KCND2: variants seen among roughly 807,000 people sequenced by gnomAD.
KCND2 encodes the protein potassium voltage-gated channel subfamily D member 2, also known as A-type voltage-gated potassium channel KCND2.
A neutral mutation model predicts 54.4 loss-of-function variants in KCND2; 16 were observed. The ratio of observed to expected loss-of-function variants is 0.29; its 90% CI spans 0.20 to 0.45. The LOEUF (loss-of-function observed/expected upper bound fraction) is 0.45. KCND2 is among the 20% of genes least tolerant of loss of function. The pLI is 1.00. For synonymous variants in KCND2, 317 were observed against 310.7 expected (o/e 1.02, Z -0.21); for missense variants, 486 against 824.2 (o/e 0.59, Z 5.02).
intron 1 of KCND2, among the ~76,000 whole-genome samples, chr7:120,338,814 A>G (rs966260100): frequency 2.0e-5 from 3 of 152,094 alleles, no homozygotes; most frequent in African/African-American, 4.8e-5. Flanking sequence ...TTTTCTACAG[A>G]GAGTTGGGTG....
chr7:120,490,048 A>T (rs1802755631), intron 1 of KCND2, among the ~76,000 whole-genome samples: 1 of 152,150 alleles, frequency 6.6e-6, no homozygotes, highest in Admixed American at 6.6e-5. Context: ...GCTTTCTCAG[A>T]GTGGCCTGGA....
chr7:120,304,807 C>T (rs2116302082), intron 1 of KCND2, among the ~76,000 whole-genome samples: 1 of 152,052 alleles, frequency 6.6e-6, no homozygotes, highest in Admixed American at 6.6e-5. Flanking sequence ...TTAGAGAAGT[C>T]GCCTAATTTG....
chr7:120,561,908 G>A (rs1007472085), intron 1 of KCND2, among the ~76,000 whole-genome samples: 2 of 152,016 alleles, frequency 1.3e-5, no homozygotes, highest in African/African-American at 4.8e-5. Flanking sequence ...CACTGCACCC[G>A]GCCGCTATCT....
At chr7:120,639,470 G>A (rs1451193750) in intron 1 of KCND2, among the ~76,000 whole-genome samples, 4 of 152,128 alleles carry the variant, frequency 2.6e-5, no homozygotes, top group Non-Finnish European at 5.9e-5. Flanking sequence ...GGTACTCCCA[G>A]TTCTAGCAGA....
At chr7:120,294,218 T>C (rs1799476394) in intron 1 of KCND2, among the ~76,000 whole-genome samples, 2 of 151,980 alleles carry the variant, frequency 1.3e-5, no homozygotes, top group South Asian at 2.1e-4. Context: ...CCAAGCATCA[T>C]TGAAATAATA....
intron 1 of KCND2, among the ~76,000 whole-genome samples, chr7:120,708,386 G>C (rs1017992066): frequency 6.6e-6 from 1 of 151,994 alleles, no homozygotes; most frequent in Admixed American, 6.6e-5. Flanking sequence ...TGTACAAATA[G>C]GTCAGCTAAA....
intron 1 of KCND2, among the ~76,000 whole-genome samples, chr7:120,440,019 C>T (rs1186260995): frequency 6.6e-6 from 1 of 151,940 alleles, no homozygotes; most frequent in African/African-American, 2.4e-5. Context: ...TATCCAGGAG[C>T]ACGATTGCTG....
chr7:120,339,531 G>A (rs1800209515), intron 1 of KCND2, among the ~76,000 whole-genome samples: 1 of 150,370 alleles, frequency 6.7e-6, no homozygotes, highest in South Asian at 2.1e-4. Context: ...GTGTGTGTGT[G>A]TGTGTGTGTC....
chr7:120,421,844 G>A (rs979421029), intron 1 of KCND2, among the ~76,000 whole-genome samples: 1 of 152,166 alleles, frequency 6.6e-6, no homozygotes, highest in Middle Eastern at 3.2e-3. Context: ...GCATGGATTA[G>A]CAATGTTGGC....
chr7:120,448,498 A>C (rs986351678), intron 1 of KCND2, among the ~76,000 whole-genome samples: 38 of 152,158 alleles, frequency 2.5e-4, no homozygotes, highest in African/African-American at 8.7e-4. Context: ...ATACGTGTGC[A>C]TGTGTCTTTA....
intron 1 of KCND2, among the ~76,000 whole-genome samples, chr7:120,552,670 G>C (rs1031252367): frequency 6.6e-6 from 1 of 152,168 alleles, no homozygotes; most frequent in Non-Finnish European, 1.5e-5. Flanking sequence ...AGAGATAAGG[G>C]TGCCCTTCCC....
intron 1 of KCND2, among the ~76,000 whole-genome samples, chr7:120,671,045 T>C (rs376602086): frequency 1.2e-4 from 19 of 152,258 alleles, no homozygotes; most frequent in African/African-American, 4.6e-4. Flanking sequence ...ATTTTCCAAC[T>C]ACATAAATTT....
intron 1 of KCND2, among the ~76,000 whole-genome samples, chr7:120,419,211 A>G (rs943905429): frequency 2.6e-5 from 4 of 152,110 alleles, no homozygotes; most frequent in African/African-American, 9.7e-5. Context: ...ATCACTGTCT[A>G]TCCTGAAATA....
At chr7:120,494,673 T>C (rs1257931969) in intron 1 of KCND2, among the ~76,000 whole-genome samples, 1 of 152,222 alleles carries the variant, frequency 6.6e-6, no homozygotes, top group Non-Finnish European at 1.5e-5. Context: ...TTTTGTAATC[T>C]GCTAAAGTAT....
intron 1 of KCND2, among the ~76,000 whole-genome samples, chr7:120,542,144 GT>G (rs1457404483): frequency 6.6e-6 from 1 of 152,090 alleles, no homozygotes; most frequent in African/African-American, 2.4e-5. Flanking sequence ...TTGTCCTCCA[GT>G]TTAAAGGCAA....
chr7:120,404,525 G>GA (rs1192164255), intron 1 of KCND2, among the ~76,000 whole-genome samples: 1 of 152,020 alleles, frequency 6.6e-6, no homozygotes, highest in Non-Finnish European at 1.5e-5. Flanking sequence ...AGATTTGCAG[G>GA]AAAAAAGAAA....
intron 1 of KCND2, among the ~76,000 whole-genome samples, chr7:120,636,861 A>G (rs534497561): frequency 3.3e-5 from 5 of 152,278 alleles, no homozygotes; most frequent in South Asian, 2.1e-4. Context: ...TAGCTCTTCA[A>G]CTGTTTTACA....
chr7:120,618,800 G>A (rs1367662935), intron 1 of KCND2, among the ~76,000 whole-genome samples: 1 of 152,088 alleles, frequency 6.6e-6, no homozygotes, highest in African/African-American at 2.4e-5. Context: ...GTATGTCATT[G>A]TGATATTCAG....
At chr7:120,478,529 C>A (rs920394016) in intron 1 of KCND2, among the ~76,000 whole-genome samples, 1 of 152,066 alleles carries the variant, frequency 6.6e-6, no homozygotes, top group African/African-American at 2.4e-5. Context: ...AATTAACTTA[C>A]CTTCAGTGTA....
Sources: gnomAD v4.1 joint callset for allele counts (sites outside exome capture counted in the v4.1 genomes callset) on GRCh38, gnomAD v4.1.1 for gene constraint, MANE v1.5 for transcripts, NCBI Gene and HGNC (gene_info 2026-07-23, HGNC 2026-07-21) for gene names.